Variants in CREB1 observed in about 807,000 individuals in gnomAD.
CREB1 encodes the protein cAMP responsive element binding protein 1.
In CREB1, 2 loss-of-function variants were observed where a neutral mutation model predicts 42.0. The ratio of observed to expected loss-of-function variants is 0.05; its 90% CI spans 0.02 to 0.15. The LOEUF (loss-of-function observed/expected upper bound fraction) is 0.15, where lower values mean the gene tolerates loss of function less well. Among genes scored for constraint, CREB1 ranks in the 10% least tolerant of loss-of-function variants. CREB1 has a pLI of 1.00. For synonymous variants in CREB1, 123 were observed against 139.9 expected, an observed-to-expected ratio of 0.88 and a Z score of 0.85; for missense variants, 199 against 388.9, an observed-to-expected ratio of 0.51 and a Z score of 4.11.
chr2:207,558,831 T>C (rs1273074010), intron 2 of CREB1, among the ~76,000 whole-genome samples: 3 of 151,926 alleles, frequency 2.0e-5, no homozygotes, highest in Non-Finnish European at 4.4e-5. Context: ...TTAGTAGAGA[T>C]GGGGTTTCAC....
intron 5 of CREB1, among the ~76,000 whole-genome samples, chr2:207,570,892 C>T (rs1266570215): frequency 6.6e-6 from 1 of 151,968 alleles, no homozygotes; most frequent in Non-Finnish European, 1.5e-5. Flanking sequence ...GTTTTCATTT[C>T]TATGATGTCT....
intron 7 of CREB1, among the ~76,000 whole-genome samples, chr2:207,585,830 A>G (rs937425238): frequency 1.3e-5 from 2 of 152,174 alleles, no homozygotes; most frequent in African/African-American, 4.8e-5. Context: ...AAAATAACCC[A>G]GTCAAACACA....
intron 7 of CREB1, among the ~76,000 whole-genome samples, chr2:207,585,513 A>G (rs1161537523): frequency 6.6e-6 from 1 of 152,208 alleles, no homozygotes; most frequent in Non-Finnish European, 1.5e-5. Context: ...GACACAAGAA[A>G]CATAAAATAC....
Position 207,599,739 on chromosome 2 carries a change from GA to G in CREB1, c.*2684del, listed in dbSNP as rs1342160327. ...GGTGGGGAGGTTTGTTTGTAAGCATGAAACTTTGAGAATCTTTATTAAGAAA... is the reference window on the plus strand; with the variant it reads ...GGTGGGGAGGTTTGTTTGTAAGCATGAACTTTGAGAATCTTTATTAAGAAA... On this transcript the variant is annotated 3_prime_UTR_variant, in exon 8 of 8. Transcript: ENST00000353267. The G allele has an allele frequency of 1.0e-5, 2 of 195,492 alleles. No homozygotes were observed. Among genetic ancestry groups the G allele is most frequent in the African/African-American group, 4.6e-5 (2 of 43,130 alleles). 12.1% of individuals were successfully genotyped at this position (195,492 alleles called of 1,614,324 possible).
At chr2:207,555,593 T>G (rs769252949) in intron 1 of CREB1, 35 bp from the exon 2 acceptor site, 3 of 1,346,798 alleles carry the variant, frequency 2.2e-6, no homozygotes, top group East Asian at 2.4e-5. Context: ...CACAAAGCAC[T>G]GTGGTGCTTG....
At chr2:207,571,901 C>T in intron 5 of CREB1, 2 of 314,998 alleles carry the variant, frequency 6.3e-6, no homozygotes, top group South Asian at 4.9e-5. Flanking sequence ...TAATTTGGTA[C>T]ACTCGTCTCC....
At chr2:207,596,090 T>C (rs1456542431) in intron 7 of CREB1, among the ~76,000 whole-genome samples, 4 of 152,240 alleles carry the variant, frequency 2.6e-5, no homozygotes, top group South Asian at 2.1e-4. Flanking sequence ...CTAGAAGTTT[T>C]ATAGTTTTAG....
chr2:207,537,507 G>C (rs532946370), intron 1 of CREB1, among the ~76,000 whole-genome samples: 2 of 152,312 alleles, frequency 1.3e-5, no homozygotes, highest in African/African-American at 4.8e-5. Context: ...TGGAGGCAAA[G>C]ATCATTAAAG....
chr2:207,582,535 T>C (rs986486086), intron 7 of CREB1, among the ~76,000 whole-genome samples: 1 of 152,246 alleles, frequency 6.6e-6, no homozygotes, highest in Non-Finnish European at 1.5e-5. Flanking sequence ...GGATCTTTTA[T>C]AAGTGTCTTC....
intron 2 of CREB1, chr2:207,559,007 CTTCTGCAATACCCTCAGGA>C (rs1231097029): frequency 2.0e-5 from 3 of 152,230 alleles, no homozygotes; most frequent in Non-Finnish European, 4.4e-5. Context: ...CCTTCAGTGG[CTTCTGCAATACCCTCAGGA>C]TAAAATGCAG....
intron 2 of CREB1, among the ~76,000 whole-genome samples, 194 bp from the exon 3 acceptor site, chr2:207,560,032 G>C (rs931538296): frequency 1.3e-5 from 2 of 152,122 alleles, no homozygotes; most frequent in Admixed American, 1.3e-4. Context: ...AAAAGGATAG[G>C]GGTATAGTTT....
At chr2:207,533,086 C>CTTT (rs34172985) in intron 1 of CREB1, among the ~76,000 whole-genome samples, 1 of 145,650 alleles carries the variant, frequency 6.9e-6, no homozygotes, top group South Asian at 2.2e-4. Context: ...CTGCTTGAAT[C>CTTT]TTTTTTTTTT....
intron 2 of CREB1, among the ~76,000 whole-genome samples, chr2:207,557,663 GTAAA>G (rs1156776807): frequency 6.6e-6 from 1 of 151,968 alleles, no homozygotes; most frequent in African/African-American, 2.4e-5. Flanking sequence ...ATCTCAAAAA[GTAAA>G]TAAATACAAA....
intron 3 of CREB1, among the ~76,000 whole-genome samples, chr2:207,566,140 A>G (rs2082130683): frequency 6.6e-6 from 1 of 152,178 alleles, no homozygotes; most frequent in South Asian, 2.1e-4. Context: ...TTCATTATAA[A>G]TATATTTTAC....
chr2:207,577,420 T>C, intron 6 of CREB1, 85 bp from the exon 7 acceptor site: 1 of 1,511,976 alleles, frequency 6.6e-7, no homozygotes, highest in South Asian at 1.3e-5. Flanking sequence ...TAGTCCAAAA[T>C]ACATGCTTAG....
chr2:207,591,462 T>A (rs191184227), intron 7 of CREB1, among the ~76,000 whole-genome samples: 1 of 152,250 alleles, frequency 6.6e-6, no homozygotes, highest in Non-Finnish European at 1.5e-5. Flanking sequence ...AATCTTGCTC[T>A]GTTGCCCAGG....
At position 207,604,606 on chromosome 2, in the gene CREB1, G is replaced by T. The variant is rs369869267; in HGVS notation, c.*7548G>T. Among the ~76,000 whole-genome samples, 6 of 152,192 alleles carry T rather than the reference G, an allele frequency of 3.9e-5. No individual in the cohort carries two copies. The highest frequency in any genetic ancestry group is 1.4e-4 in the African/African-American group (6 of 41,446). The stretch of plus-strand genomic sequence containing the variant: ...TGTTATCCTTGTTTTTAATTAAGAT[G>T]CAATTCACATAAATTAACTTTTTAA... On this transcript the variant is annotated 3_prime_UTR_variant, in exon 8 of 8. Transcript: ENST00000353267.
At chr2:207,569,826 A>G (rs946609101) in intron 4 of CREB1, among the ~76,000 whole-genome samples, 3 of 151,790 alleles carry the variant, frequency 2.0e-5, no homozygotes, top group Admixed American at 6.6e-5. Flanking sequence ...GGTGGATCAC[A>G]TGAGGTCAGG....
At chr2:207,567,331 G>C (rs2082177290) in intron 3 of CREB1, 132 bp from the exon 4 acceptor site, 1 of 554,360 alleles carries the variant, frequency 1.8e-6, no homozygotes, top group African/African-American at 1.9e-5. Context: ...TGGTGTGGTT[G>C]TCTCCCATAA....
Sources: allele counts gnomAD v4.1 joint callset (sites outside exome capture counted in the v4.1 genomes callset), GRCh38; gene constraint gnomAD v4.1.1; transcripts MANE v1.5; gene names NCBI Gene and HGNC (gene_info 2026-07-23, HGNC 2026-07-21).